Variants in ADGRA2 observed in about 807,000 individuals in gnomAD.
ADGRA2 encodes the protein G-protein coupled receptor 124.
Under a neutral mutation model 98.7 loss-of-function variants are expected in ADGRA2, and 61 were observed. The ratio of observed to expected loss-of-function variants is 0.62; its 90% CI spans 0.50 to 0.76. The LOEUF (loss-of-function observed/expected upper bound fraction) is 0.76. Ranked by LOEUF, ADGRA2 falls within the 30% of genes least tolerant of loss-of-function variation. The probability of loss-of-function intolerance (pLI) is 0.00; values close to 1 mark genes in which losing one functional copy is unlikely to be tolerated. For missense variants in ADGRA2, 1,712 were observed against 1,860.0 expected (o/e 0.92, Z 1.46); for synonymous variants, 858 against 831.5 (o/e 1.03, Z -0.55).
At position 37,797,146 on chromosome 8, in the gene ADGRA2, G is replaced by C; in HGVS notation, c.-123G>C. The C allele has an allele frequency of 1.1e-5, 8 of 715,666 alleles. No homozygotes were observed. Among genetic ancestry groups the C allele is most frequent in the Non-Finnish European group, 1.5e-5 (8 of 539,186 alleles). 44.3% of individuals were successfully genotyped at this position (715,666 alleles called of 1,614,324 possible). A position where few individuals can be genotyped will look rare whatever the true frequency, so the allele number is the denominator to read the frequency against. ...ACCCCGGGGCTCGCCTCCGCCCAGGGCCCCCCTCCACGCCCTCGGGAGCCC... is the reference window on the plus strand; with the variant it reads ...ACCCCGGGGCTCGCCTCCGCCCAGGCCCCCCCTCCACGCCCTCGGGAGCCC... On this transcript the variant is annotated 5_prime_UTR_variant, in exon 1 of 19. Transcript: ENST00000412232. The surrounding 1 kb of genome is among the most constrained non-coding windows in gnomAD (Gnocchi z 5.3).
intron 1 of ADGRA2, among the ~76,000 whole-genome samples, chr8:37,809,019 C>T (rs187714469): frequency 1.1e-3 from 160 of 152,270 alleles, no homozygotes; most frequent in Non-Finnish European, 1.5e-3. Flanking sequence ...GATGGGATTT[C>T]ACCATGTTGG....
chr8:37,814,951 T>G lies in ADGRA2; in HGVS notation c.322T>G (p.Ser108Ala). 1.2e-6 allele frequency: 2 copies of G among 1,612,080 alleles called. No homozygotes were observed. Among genetic ancestry groups the G allele is most frequent in the Non-Finnish European group, 1.7e-6 (2 of 1,178,152 alleles). Reference protein sequence around the residue: ...GLRNGSFLGLSLLEKLDLRNN... With the variant: ...GLRNGSFLGLALLEKLDLRNN... ...CCGCAATGGCTCCTTCCTGGGACTG[T>G]CACTGCTGGAGAAGCTGTAAGTGCT... Residue 108 changes from serine to alanine, a missense_variant, in exon 2 of 19, where the codon TCA (serine) becomes GCA (alanine). Physicochemically the swap from Ser to Ala is moderately conservative, Grantham distance 99 (BLOSUM62 1). Transcript: ENST00000412232. The surrounding 1 kb of genome is among the most constrained non-coding windows in gnomAD (Gnocchi z 4.3).
rs1804374523 is a variant in ADGRA2 at position 37,797,679 on chromosome 8, G to A, written c.266+145G>A. 1 of 800,132 alleles carries A rather than the reference G, an allele frequency of 1.2e-6. No individual in the cohort carries two copies. Among genetic ancestry groups the A allele is most frequent in the Admixed American group, 4.3e-5 (1 of 23,186 alleles). 49.6% of individuals were successfully genotyped at this position (800,132 alleles called of 1,614,324 possible). On this transcript the variant is annotated intron_variant, in intron 1 of 18. Coordinates refer to ENST00000412232, the MANE Select transcript of ADGRA2 (RefSeq NM_032777.10). The surrounding 1 kb of genome is among the most constrained non-coding windows in gnomAD (Gnocchi z 5.3). ...GGCCTGGGTTCAGGCCCCCAGAGGGGAAGATTGGAGGAGCAGGGGAGAGAC... is the reference window on the plus strand; with the variant it reads ...GGCCTGGGTTCAGGCCCCCAGAGGGAAAGATTGGAGGAGCAGGGGAGAGAC...
At chr8:37,838,652 C>G (rs1585407021) in intron 14 of ADGRA2, among the ~76,000 whole-genome samples, 1 of 151,206 alleles carries the variant, frequency 6.6e-6, no homozygotes, top group South Asian at 2.1e-4. Flanking sequence ...ACTCTCCAGT[C>G]CTGCAGGCCT....
Position 37,815,538 on chromosome 8 carries a change from C to T in ADGRA2, c.338+571C>T, listed in dbSNP as rs1334561140. Among the ~76,000 whole-genome samples the T allele has an allele frequency of 2.6e-5, 4 of 152,340 alleles. No homozygotes were observed. In the East Asian group the frequency reaches 5.8e-4, roughly 22 times the overall value. ...CCAGGTCTGGGCGTTCCCCGCTAGC[C>T]GGCTGGAACCTCATTCCCAGAGCTG... On this transcript the variant is annotated intron_variant, in intron 2 of 18. Transcript: ENST00000412232.
At chr8:37,801,773 G>C (rs1393320054) in intron 1 of ADGRA2, among the ~76,000 whole-genome samples, 1 of 152,216 alleles carries the variant, frequency 6.6e-6, no homozygotes, top group African/African-American at 2.4e-5. Flanking sequence ...GTCGGCTGGG[G>C]CTGGCGCCGG....
chr8:37,835,938 C>T (rs1805598749), intron 13 of ADGRA2, among the ~76,000 whole-genome samples, 168 bp downstream of exon 13: 1 of 151,968 alleles, frequency 6.6e-6, no homozygotes, highest in African/African-American at 2.4e-5. Flanking sequence ...AGAGATACCC[C>T]ATAAAGAAAG....
In ADGRA2 at chr8:37,842,113, A is replaced by G; in HGVS notation, c.3775A>G (p.Ser1259Gly). Residue 1259 changes from serine (S) to glycine (G), a missense_variant, in exon 19 of 19, where the codon AGC becomes GGC. Transcript: ENST00000412232. ...CACGCCGTCCGAGGGCAGCGACACC[A>G]GCGCCGCGCCGCTTTCTGAGGCGGG... is the stretch of plus-strand genomic sequence containing the variant. ...MLTPSEGSDTSAAPLSEAGRA... is the reference protein window; with the variant it reads ...MLTPSEGSDTGAAPLSEAGRA... The G allele has an allele frequency of 6.7e-7, 1 of 1,497,654 alleles. No homozygotes were observed. Among genetic ancestry groups the G allele is most frequent in the Non-Finnish European group, 8.8e-7 (1 of 1,131,882 alleles). 92.8% of individuals were successfully genotyped at this position (1,497,654 alleles called of 1,614,324 possible).
At chr8:37,829,166 C>G (rs897321006) in intron 3 of ADGRA2, 95 bp from the exon 4 acceptor site, 11 of 993,992 alleles carry the variant, frequency 1.1e-5, no homozygotes, top group South Asian at 6.4e-5. Flanking sequence ...ATCCCACCCC[C>G]CAACACAAGC....
At position 37,828,911 on chromosome 8, in the gene ADGRA2, G is replaced by A; in HGVS notation, c.362G>A (p.Ser121Asn). The A allele has an allele frequency of 6.3e-7, 1 of 1,597,946 alleles. No homozygotes were observed. The highest frequency in any genetic ancestry group is 1.1e-5 in the South Asian group (1 of 88,498). Residue 121 changes from serine (S) to asparagine (N), a missense_variant, in exon 3 of 19, where the codon AGC becomes AAC. Coordinates refer to ENST00000412232, the MANE Select transcript of ADGRA2 (RefSeq NM_032777.10). Reference protein sequence around the residue: ...EKLDLRNNIISTVQPGAFLGL... With the variant: ...EKLDLRNNIINTVQPGAFLGL... ...AGGGACCTGAGGAACAACATCATCA[G>A]CACAGTGCAGCCGGGCGCCTTCCTG...
rs557045499 is a variant in ADGRA2, at chr8:37,803,023, A to G, written c.266+5489A>G. Among the ~76,000 whole-genome samples, 18 of 152,230 alleles carry G rather than the reference A, an allele frequency of 1.2e-4. No homozygotes were observed. In the East Asian group the frequency reaches 3.3e-3, roughly 28 times the overall value. ...TACCACGGCTCTCCCCTCTGTGATT[A>G]GGGAGGGGGAGTGGCAACCCCTCGT... On this transcript the variant is annotated intron_variant, in intron 1 of 18. Coordinates refer to ENST00000412232, the MANE Select transcript of ADGRA2 (RefSeq NM_032777.10).
intron 16 of ADGRA2, 144 bp downstream of exon 16, chr8:37,839,766 C>T: frequency 9.5e-7 from 1 of 1,048,366 alleles, no homozygotes; most frequent in Non-Finnish European, 1.4e-6. Context: ...CCTTGGAAGG[C>T]AGGGATGGTG....
chr8:37,829,583 G>C lies in ADGRA2; in HGVS notation c.554+24G>C, dbSNP rs772813300. 56 of 1,531,916 alleles carry C rather than the reference G, an allele frequency of 3.7e-5. No individual in the cohort carries two copies. In the Admixed American group the frequency reaches 7.0e-4, roughly 19 times the overall value. 94.9% of individuals were successfully genotyped at this position (1,531,916 alleles called of 1,614,324 possible). A position where few individuals can be genotyped will look rare whatever the true frequency, so the allele number is the denominator to read the frequency against. ...GTGTGAGTATCTCTTCCTAGCTCAA[G>C]GACCCAGACCCCTGTCCCTTTCTCT... On this transcript the variant is annotated intron_variant, in intron 5 of 18. Transcript: ENST00000412232.
chr8:37,805,457 C>A (rs1804630877), intron 1 of ADGRA2, among the ~76,000 whole-genome samples: 1 of 152,128 alleles, frequency 6.6e-6, no homozygotes, highest in Non-Finnish European at 1.5e-5. Flanking sequence ...GAGGTCTGCG[C>A]CGCGTGTGTT....
chr8:37,824,309 A>G lies in ADGRA2; in HGVS notation c.339-4579A>G, dbSNP rs1045481405. On this transcript the variant is annotated intron_variant, in intron 2 of 18. Coordinates refer to ENST00000412232, the MANE Select transcript of ADGRA2 (RefSeq NM_032777.10). ...CACCCAGAGTGCTGGGATTACATGC[A>G]TGAGCCATCATGCCCAGCCTGCCCA... Among the ~76,000 whole-genome samples, 8 of 151,860 alleles carry G rather than the reference A, an allele frequency of 5.3e-5. No individual in the cohort carries two copies. The South Asian group carries it at 1.2e-3, about 24-fold the overall frequency.
Position 37,821,627 on chromosome 8 carries a change from G to C in ADGRA2, c.338+6660G>C, listed in dbSNP as rs550398847. Among the ~76,000 whole-genome samples the C allele has an allele frequency of 2.4e-3, 373 of 152,354 alleles. 1 individual carries two copies. The highest frequency in any genetic ancestry group is 8.7e-3 in the African/African-American group (361 of 41,572). On this transcript the variant is annotated intron_variant, in intron 2 of 18. Transcript: ENST00000412232. Reference sequence around the variant, plus strand: ...CCGGCCAGGGCAGACAGCCCCAAGAGAGGCCAAGGGAGCGAGACTGCGTGC... The same window carrying C: ...CCGGCCAGGGCAGACAGCCCCAAGACAGGCCAAGGGAGCGAGACTGCGTGC...
chr8:37,804,100 GACACACACACACACACACAC>G (rs60565183), intron 1 of ADGRA2, among the ~76,000 whole-genome samples: 9 of 107,196 alleles, frequency 8.4e-5, no homozygotes, highest in African/African-American at 1.8e-4. Context: ...CCCACGGTGA[GACACACACACACACACACAC>G]ACACACACAC....
Position 37,841,892 on chromosome 8 carries a change from G to T in ADGRA2, c.3554G>T (p.Ser1185Ile). 6.5e-7 allele frequency: 1 copy of T among 1,534,550 alleles called. No homozygotes were observed. The highest frequency in any genetic ancestry group is 8.7e-7 in the Non-Finnish European group (1 of 1,146,924). ...NVHHGRRAHK[S>I]RAKGHRAGEA... is the part of the protein sequence containing the mutation. ...CACCACGGGCGTCGGGCGCACAAGA[G>T]CCGGGCCAAGGGACACCGCGCGGGG... The change falls in exon 19 of 19, where the codon AGC becomes ATC. Residue 1185 changes from serine to isoleucine, a missense_variant. Transcript: ENST00000412232. The surrounding 1 kb of genome is among the most constrained non-coding windows in gnomAD (Gnocchi z 5.0).
rs893301070 is a variant in ADGRA2, at chr8:37,829,939, C to G, written c.643C>G (p.His215Asp). 2 of 1,611,436 alleles carry G rather than the reference C, an allele frequency of 1.2e-6. No homozygotes were observed. Among genetic ancestry groups the G allele is most frequent in the African/African-American group, 2.7e-5 (2 of 74,908 alleles). ...GAATCGCTCCCTGCAGCTGTCGGAA[C>G]ACACGCTCTGTGCTTACCCCAGTGC... is the stretch of plus-strand genomic sequence containing the variant. Reference protein sequence around the residue: ...AQNRSLQLSEHTLCAYPSALH... With the variant: ...AQNRSLQLSEDTLCAYPSALH... The change falls in exon 6 of 19, where the codon CAC becomes GAC. Residue 215 changes from histidine to aspartate, a missense_variant. Transcript: ENST00000412232.
Sources: allele counts gnomAD v4.1 joint callset (sites outside exome capture counted in the v4.1 genomes callset), GRCh38; gene constraint gnomAD v4.1.1; non-coding constraint Gnocchi (gnomAD v3.1); transcripts MANE v1.5; gene names NCBI Gene and HGNC (gene_info 2026-07-23, HGNC 2026-07-21).